RUNX2: variants seen among roughly 807,000 people sequenced by gnomAD.
RUNX2 encodes the protein RUNX family transcription factor 2, also known as runt-related transcription factor 2.
A neutral mutation model predicts 51.7 loss-of-function variants in RUNX2; 10 were observed. That is an observed-to-expected ratio of 0.19 (90% CI 0.12 to 0.33). The LOEUF is 0.33. RUNX2 is among the 10% of genes least tolerant of loss of function. The probability of loss-of-function intolerance (pLI) is 1.00; values close to 1 mark genes in which losing one functional copy is unlikely to be tolerated. For missense variants in RUNX2, 562 were observed against 691.3 expected, an observed-to-expected ratio of 0.81 and a Z score of 2.10; for synonymous variants, 276 against 273.6, an observed-to-expected ratio of 1.01 and a Z score of -0.09.
intron 7 of RUNX2, among the ~76,000 whole-genome samples, chr6:45,541,524 G>A (rs113912349): frequency 1.8e-4 from 28 of 152,086 alleles, no homozygotes; most frequent in African/African-American, 5.8e-4. Flanking sequence ...AACGTCCTTC[G>A]GATTTATTTG....
intron 2 of RUNX2, among the ~76,000 whole-genome samples, chr6:45,335,756 T>A (rs12199256): frequency 3.3e-5 from 5 of 150,880 alleles, no homozygotes; most frequent in Non-Finnish European, 7.4e-5. Context: ...ATGAGAAAAC[T>A]CCCATCAAGA....
intron 5 of RUNX2, among the ~76,000 whole-genome samples, chr6:45,487,254 T>C (rs890268090): frequency 6.6e-6 from 1 of 152,164 alleles, no homozygotes; most frequent in Non-Finnish European, 1.5e-5. Flanking sequence ...TGGTTGGCAA[T>C]GGGAGAGAAA....
chr6:45,491,622 G>GTTTT lies in RUNX2; in HGVS notation c.686-299_686-296dup, dbSNP rs34040641. On this transcript the variant is annotated intron_variant, in intron 5 of 8. Coordinates refer to ENST00000647337, the MANE Select transcript of RUNX2 (RefSeq NM_001024630.4). Reference sequence around the variant, plus strand: ...CCCCCAATACACATCTCTCCTGTTTGTTTTTTTTTTTTTTTTTTTTTTTAC... The same window carrying GTTTT: ...CCCCCAATACACATCTCTCCTGTTTGTTTTTTTTTTTTTTTTTTTTTTTTTTTAC... 5.8e-3 allele frequency among the ~76,000 whole-genome samples: 536 copies of GTTTT among 92,928 alleles called. 11 individuals carry two copies. Among genetic ancestry groups the GTTTT allele is most frequent in the African/African-American group, 0.011 (285 of 25,090 alleles). The allele number at this position is 92,928 out of a possible 152,430, so 61.0% of individuals were successfully genotyped here. A position where few individuals can be genotyped will look rare whatever the true frequency, so the allele number is the denominator to read the frequency against.
intron 5 of RUNX2, among the ~76,000 whole-genome samples, chr6:45,459,992 G>A (rs1330758224): frequency 2.0e-5 from 3 of 152,204 alleles, no homozygotes; most frequent in Admixed American, 1.3e-4. Flanking sequence ...GCAGCAGAGT[G>A]AGTGAATGGG....
intron 2 of RUNX2, among the ~76,000 whole-genome samples, chr6:45,407,613 C>A (rs575910662): frequency 6.6e-6 from 1 of 152,226 alleles, no homozygotes; most frequent in East Asian, 1.9e-4. Flanking sequence ...CTATCTCAGC[C>A]TCCCCACTAG....
chr6:45,546,832 T>G lies in RUNX2; in HGVS notation c.1093T>G (p.Ser365Ala). 1 of 1,613,778 alleles carries G rather than the reference T, an allele frequency of 6.2e-7. No individual in the cohort carries two copies. Residue 365 changes from serine to alanine, a missense_variant, in exon 9 of 9, where the codon TCA becomes GCA. Physicochemically the swap from Ser to Ala is moderately conservative, Grantham distance 99. Transcript: ENST00000647337. Reference sequence around the variant, plus strand: ...TCTTCTGTTATAATTTTTAGGTGCTTCAGAACTGGGCCCTTTTTCAGACCC... The same window carrying G: ...TCTTCTGTTATAATTTTTAGGTGCTGCAGAACTGGGCCCTTTTTCAGACCC... ...TLSKKSQAGA[S>A]ELGPFSDPRQ...
At position 45,422,948 on chromosome 6, in the gene RUNX2, G is replaced by A. The variant is rs1360698549; in HGVS notation, c.414G>A (p.Val138=). The part of the protein sequence containing the change: ...SHWRCNKTLP[V]AFKVVALGEV... ...GGCGCTGCAACAAGACCCTGCCCGT[G>A]GCCTTCAAGGTAAGAGGCTACACCG... Residue 138 remains valine, a synonymous_variant, in exon 3 of 9, where the codon GTG becomes GTA. Coordinates refer to ENST00000647337, the MANE Select transcript of RUNX2 (RefSeq NM_001024630.4). The A allele has an allele frequency of 6.2e-7, 1 of 1,611,116 alleles. No homozygotes were observed. The highest frequency in any genetic ancestry group is 1.3e-5 in the African/African-American group (1 of 74,926).
rs1302631983 is a variant in RUNX2, at chr6:45,512,331, C to T, written c.945C>T (p.Ile315=). The T allele has an allele frequency of 1.9e-6, 3 of 1,614,052 alleles. No individual in the cohort carries two copies. The highest frequency in any genetic ancestry group is 2.5e-6 in the Non-Finnish European group (3 of 1,180,020). ...TGAGCCAGATGACGTCCCCGTCCAT[C>T]CACTCTACCACCCCGCTGTCTTCCA... is the stretch of plus-strand genomic sequence containing the variant. The part of the protein sequence containing the change: ...SYLSQMTSPS[I]HSTTPLSSTR... The change falls in exon 7 of 9, where the codon ATC becomes ATT. Residue 315 remains isoleucine (I), a synonymous_variant. Coordinates refer to ENST00000647337, the MANE Select transcript of RUNX2 (RefSeq NM_001024630.4).
rs1802475076 is a variant in RUNX2 at position 45,548,653 on chromosome 6, G to A, written c.*1348G>A. The A allele has an allele frequency of 6.5e-6, 1 of 153,240 alleles. No homozygotes were observed. Among genetic ancestry groups the A allele is most frequent in the African/African-American group, 2.4e-5 (1 of 41,478 alleles). The allele number at this position is 153,240 out of a possible 1,614,324, so 9.5% of individuals were successfully genotyped here. On this transcript the variant is annotated 3_prime_UTR_variant, in exon 9 of 9. Transcript: ENST00000647337. ...ATTGAACTACAGAAAAATGTTCTGT[G>A]GTTTCATAGTTAAGCAAAACTCTAA...
intron 7 of RUNX2, among the ~76,000 whole-genome samples, chr6:45,513,995 G>A (rs1388238952): frequency 6.6e-6 from 1 of 152,116 alleles, no homozygotes; most frequent in East Asian, 1.9e-4. Context: ...ACATAGGGCC[G>A]AAAGGACACT....
In RUNX2 at chr6:45,538,646, T is replaced by G. The variant is rs562767841; in HGVS notation, c.1022-6571T>G. Reference sequence around the variant, plus strand: ...AATAAGGTCTGAAAGGGTGGATTTGTCCCTTTTTTCCTCCTTTTTTCCTTT... The same window carrying G: ...AATAAGGTCTGAAAGGGTGGATTTGGCCCTTTTTTCCTCCTTTTTTCCTTT... On this transcript the variant is annotated intron_variant, in intron 7 of 8. Transcript: ENST00000647337. Among the ~76,000 whole-genome samples the G allele has an allele frequency of 5.9e-5, 9 of 152,078 alleles. No homozygotes were observed. The South Asian group carries it at 1.9e-3, about 32-fold the overall frequency.
chr6:45,504,169 A>G (rs572076256), intron 6 of RUNX2, among the ~76,000 whole-genome samples: 60 of 152,312 alleles, frequency 3.9e-4, no homozygotes, highest in African/African-American at 1.2e-3. Context: ...GGGGCTTCTC[A>G]GCAGACATGA....
At chr6:45,372,847 T>G (rs972243940) in intron 2 of RUNX2, among the ~76,000 whole-genome samples, 2 of 152,020 alleles carry the variant, frequency 1.3e-5, no homozygotes, top group African/African-American at 2.4e-5. Flanking sequence ...AGATGGAGTT[T>G]TGCTCTGTCA....
rs918995571 is a variant in RUNX2 at position 45,359,402 on chromosome 6, A to G, written c.58+30618A>G. 2.6e-5 allele frequency among the ~76,000 whole-genome samples: 4 copies of G among 152,178 alleles called. No homozygotes were observed. The East Asian group carries it at 7.7e-4, about 29-fold the overall frequency. On this transcript the variant is annotated intron_variant, in intron 2 of 8. Coordinates refer to ENST00000647337, the MANE Select transcript of RUNX2 (RefSeq NM_001024630.4). ...CAATTTGAAAATATTCCTAATTACT[A>G]TTATAGTTATAAACTAAAGTATATC...
chr6:45,426,826 A>T (rs1054867308), intron 3 of RUNX2, among the ~76,000 whole-genome samples: 1 of 152,200 alleles, frequency 6.6e-6, no homozygotes, highest in Admixed American at 6.5e-5. Flanking sequence ...TTTTGGCATC[A>T]CTAGCCATTT....
intron 7 of RUNX2, among the ~76,000 whole-genome samples, chr6:45,531,521 G>A (rs1407231466): frequency 1.3e-5 from 2 of 152,146 alleles, no homozygotes; most frequent in Admixed American, 1.3e-4. Flanking sequence ...TTGGGAGGCC[G>A]AGGTGGGCAG....
chr6:45,371,851 GA>G, intron 2 of RUNX2: 1 of 983,458 alleles, frequency 1.0e-6, no homozygotes, highest in Non-Finnish European at 1.2e-6. Context: ...ACTACAGTTT[GA>G]AAATCACTAA....
At position 45,334,486 on chromosome 6, in the gene RUNX2, A is replaced by AG. The variant is rs569524797; in HGVS notation, c.58+5703dup. Among the ~76,000 whole-genome samples the AG allele has an allele frequency of 7.4e-5, 11 of 149,152 alleles. 1 individual carries two copies. The South Asian group carries it at 2.3e-3, about 31-fold the overall frequency. ...AAAAAAAAAGACAAAGTTAAATGCT[A>AG]GCCAAATCACAATAACAATCATCAA... On this transcript the variant is annotated intron_variant, in intron 2 of 8. Transcript: ENST00000647337.
At chr6:45,438,449 C>T (rs2150372192) in intron 5 of RUNX2, among the ~76,000 whole-genome samples, 1 of 152,256 alleles carries the variant, frequency 6.6e-6, no homozygotes, top group East Asian at 1.9e-4. Context: ...TTCCCATGGC[C>T]TAAGAATGTG....
Sources: gnomAD v4.1 joint callset for allele counts (sites outside exome capture counted in the v4.1 genomes callset) on GRCh38, gnomAD v4.1.1 for gene constraint, MANE v1.5 for transcripts, NCBI Gene and HGNC (gene_info 2026-07-23, HGNC 2026-07-21) for gene names.